The following GPR176 variants were observed in gnomAD, a reference collection of about 807,000 sequenced individuals.
GPR176 encodes G-protein coupled receptor 176.
A neutral mutation model predicts 35.4 loss-of-function variants in GPR176; 26 were observed. The ratio of observed to expected loss-of-function variants is 0.74; its 90% CI spans 0.54 to 1.02. The LOEUF (loss-of-function observed/expected upper bound fraction) is 1.02. Among genes scored for constraint, GPR176 ranks in the 50% least tolerant of loss-of-function variants. The pLI is 0.00. For missense variants in GPR176, 597 were observed against 665.3 expected, an observed-to-expected ratio of 0.90 and a Z score of 1.13; for synonymous variants, 278 against 271.3, an observed-to-expected ratio of 1.02 and a Z score of -0.24.
chr15:39,811,730 C>T (rs988288778), intron 1 of GPR176, among the ~76,000 whole-genome samples: 7 of 152,058 alleles, frequency 4.6e-5, no homozygotes, highest in African/African-American at 1.4e-4. Flanking sequence ...TCCTGGCGAA[C>T]ATGGTGAAAC....
Position 39,801,896 on chromosome 15 carries a change from C to T in GPR176, c.784G>A (p.Ala262Thr). The change falls in exon 3 of 3, where the codon GCC (alanine) becomes ACC (threonine). Residue 262 changes from alanine to threonine, a missense_variant. Coordinates refer to ENST00000561100, the MANE Select transcript of GPR176 (RefSeq NM_007223.3). ...ISIPYASQREAELHATLLSMV... is the reference protein window; with the variant it reads ...ISIPYASQRETELHATLLSMV... ...GAGAGCAGGGTGGCGTGCAGCTCGGCCTCCCGCTGGGAGGCATAGGGAATA... is the reference window on the plus strand; with the variant it reads ...GAGAGCAGGGTGGCGTGCAGCTCGGTCTCCCGCTGGGAGGCATAGGGAATA... The T allele has an allele frequency of 1.9e-6, 3 of 1,614,022 alleles. No homozygotes were observed. The highest frequency in any genetic ancestry group is 2.5e-6 in the Non-Finnish European group (3 of 1,179,988).
At chr15:39,827,942 T>C (rs368898401) in intron 1 of GPR176, among the ~76,000 whole-genome samples, 3 of 152,176 alleles carry the variant, frequency 2.0e-5, no homozygotes, top group Admixed American at 1.3e-4. Context: ...CATGTCCCTA[T>C]GGGTACACAG....
chr15:39,859,539 G>C (rs12901927), intron 1 of GPR176, among the ~76,000 whole-genome samples: 46,844 of 151,146 alleles, frequency 0.31, 7,937 homozygotes, highest in Non-Finnish European at 0.38. Context: ...AGGATGCAGA[G>C]AAATTGGAAC....
chr15:39,918,036 ACT>A (rs1005668996), intron 1 of GPR176, among the ~76,000 whole-genome samples: 3 of 114,700 alleles, frequency 2.6e-5, no homozygotes, highest in African/African-American at 3.7e-5. Context: ...CAAGAGTGAA[ACT>A]CTGTCTAAAA....
At chr15:39,891,601 C>T (rs1468965918) in intron 1 of GPR176, among the ~76,000 whole-genome samples, 2 of 152,184 alleles carry the variant, frequency 1.3e-5, no homozygotes, top group Non-Finnish European at 2.9e-5. Flanking sequence ...CCTCCCAAAG[C>T]ACTCAGATTA....
intron 1 of GPR176, among the ~76,000 whole-genome samples, chr15:39,835,415 A>G (rs1901337588): frequency 6.6e-6 from 1 of 152,154 alleles, no homozygotes; most frequent in Admixed American, 6.5e-5. Context: ...AAAAGATTCA[A>G]TTTTGCTAAA....
intron 1 of GPR176, among the ~76,000 whole-genome samples, chr15:39,812,071 A>G (rs1899606862): frequency 6.6e-6 from 1 of 152,128 alleles, no homozygotes; most frequent in Non-Finnish European, 1.5e-5. Context: ...GTGGTTGCCT[A>G]TATTTACAAC....
intron 1 of GPR176, among the ~76,000 whole-genome samples, chr15:39,873,768 C>A (rs1006381107): frequency 2.6e-5 from 4 of 152,026 alleles, no homozygotes; most frequent in Non-Finnish European, 4.4e-5. Context: ...CCAGCCCCCA[C>A]GATTGTCAAC....
At chr15:39,802,929 C>A (rs544468665) in intron 2 of GPR176, among the ~76,000 whole-genome samples, 1 of 152,194 alleles carries the variant, frequency 6.6e-6, no homozygotes, top group Non-Finnish European at 1.5e-5. Flanking sequence ...ATTAATAGGT[C>A]TAAAATGCCT....
chr15:39,833,959 G>A (rs1368589574), intron 1 of GPR176, among the ~76,000 whole-genome samples: 1 of 152,158 alleles, frequency 6.6e-6, no homozygotes, highest in Admixed American at 6.5e-5. Flanking sequence ...AAACAGGGCA[G>A]CAATTAAACA....
chr15:39,853,139 A>G (rs992448433), intron 1 of GPR176, among the ~76,000 whole-genome samples: 15 of 152,360 alleles, frequency 9.8e-5, no homozygotes, highest in African/African-American at 2.6e-4. Context: ...AGCATTGTTC[A>G]TAATAGCCAA....
At chr15:39,884,899 G>C (rs957801303) in intron 1 of GPR176, among the ~76,000 whole-genome samples, 3 of 152,110 alleles carry the variant, frequency 2.0e-5, no homozygotes, top group South Asian at 4.1e-4. Context: ...AAACAAAACC[G>C]GGGTCCTTTA....
Position 39,920,152 on chromosome 15 carries a change from C to T in GPR176, c.-126G>A. 1.7e-6 allele frequency: 1 copy of T among 592,616 alleles called. No homozygotes were observed. The highest frequency in any genetic ancestry group is 2.5e-6 in the Non-Finnish European group (1 of 397,970). 36.7% of individuals were successfully genotyped at this position (592,616 alleles called of 1,614,324 possible). A position where few individuals can be genotyped will look rare whatever the true frequency, so the allele number is the denominator to read the frequency against. ...GTCCTGGAGAAGCCGGAGCAGCCGA[C>T]GGGTCCCCTCACGTCTCCACATCGC... is the stretch of plus-strand genomic sequence containing the variant. On this transcript the variant is annotated 5_prime_UTR_variant, in exon 1 of 3. Coordinates refer to ENST00000561100, the MANE Select transcript of GPR176 (RefSeq NM_007223.3).
intron 1 of GPR176, among the ~76,000 whole-genome samples, chr15:39,917,042 G>A (rs2033743817): frequency 6.6e-6 from 1 of 152,158 alleles, no homozygotes; most frequent in Non-Finnish European, 1.5e-5. Context: ...AGCACTTCGG[G>A]AGGCTGCGGT....
chr15:39,916,335 C>G (rs2033725554), intron 1 of GPR176, among the ~76,000 whole-genome samples: 1 of 152,088 alleles, frequency 6.6e-6, no homozygotes, highest in African/African-American at 2.4e-5. Context: ...TAAAGATATG[C>G]CAAGATGTTG....
intron 1 of GPR176, among the ~76,000 whole-genome samples, chr15:39,873,184 A>G (rs1411137002): frequency 1.3e-5 from 2 of 152,196 alleles, no homozygotes; most frequent in African/African-American, 4.8e-5. Flanking sequence ...AGTAGGTACT[A>G]TAACTAACCA....
rs1428051089 is a variant in GPR176 at position 39,895,277 on chromosome 15, C to G, written c.172+24578G>C. Among the ~76,000 whole-genome samples the G allele has an allele frequency of 4.2e-3, 72 of 17,148 alleles. 1 individual carries two copies. The highest frequency in any genetic ancestry group is 0.028 in the Middle Eastern group (1 of 36). The allele number at this position is 17,148 out of a possible 152,430, so 11.2% of individuals were successfully genotyped here. A position where few individuals can be genotyped will look rare whatever the true frequency, so the allele number is the denominator to read the frequency against. The stretch of plus-strand genomic sequence containing the variant: ...ACCATGGGGAGAGGGAGAGGGAGAC[C>G]GTGGGGAGAGGAAGAGGGGGAGGGG... On this transcript the variant is annotated intron_variant, in intron 1 of 2. Coordinates refer to ENST00000561100, the MANE Select transcript of GPR176 (RefSeq NM_007223.3).
At chr15:39,810,549 G>A (rs557014316) in intron 1 of GPR176, among the ~76,000 whole-genome samples, 8 of 152,298 alleles carry the variant, frequency 5.3e-5, no homozygotes, top group South Asian at 4.1e-4. Context: ...TTGGGAAATC[G>A]TGTGCATCTG....
At chr15:39,869,815 T>G (rs745949392) in intron 1 of GPR176, among the ~76,000 whole-genome samples, 1 of 152,180 alleles carries the variant, frequency 6.6e-6, no homozygotes, top group Non-Finnish European at 1.5e-5. Context: ...ATAGTCTCAG[T>G]GCATATTTTT....
Sources: allele counts gnomAD v4.1 joint callset (sites outside exome capture counted in the v4.1 genomes callset), GRCh38; gene constraint gnomAD v4.1.1; transcripts MANE v1.5; gene names NCBI Gene and HGNC (gene_info 2026-07-23, HGNC 2026-07-21).